The following MAML3 variants were observed in gnomAD, a reference collection of about 807,000 sequenced individuals.
MAML3 encodes mastermind like transcriptional coactivator 3.
Under a neutral mutation model 101.9 loss-of-function variants are expected in MAML3, and 27 were observed. That is an observed-to-expected ratio of 0.27 (90% CI 0.20 to 0.37). The LOEUF is 0.37. Among genes scored for constraint, MAML3 ranks in the 10% least tolerant of loss-of-function variants. The pLI is 1.00. For missense variants in MAML3, 1,316 were observed against 1,444.9 expected, an observed-to-expected ratio of 0.91 and a Z score of 1.45; for synonymous variants, 501 against 555.9, an observed-to-expected ratio of 0.90 and a Z score of 1.39.
chr4:140,055,381 AT>A lies in MAML3; in HGVS notation c.468+97478del, dbSNP rs898624097. ...AGAAAAAAATCCCAGAGCAGTGAGA[AT>A]TTTTTTGCCCCTTATTTAGAAAGAT... On this transcript the variant is annotated intron_variant, in intron 1 of 4. Coordinates refer to ENST00000509479, the MANE Select transcript of MAML3 (RefSeq NM_018717.5). 1.3e-5 allele frequency among the ~76,000 whole-genome samples: 2 copies of A among 152,120 alleles called. 1 individual carries two copies. Among genetic ancestry groups the A allele is most frequent in the African/African-American group, 4.8e-5 (2 of 41,418 alleles).
chr4:139,756,468 A>C (rs1729652954), intron 2 of MAML3, among the ~76,000 whole-genome samples: 1 of 152,214 alleles, frequency 6.6e-6, no homozygotes, highest in African/African-American at 2.4e-5. Context: ...TTCTCATAGA[A>C]TATCCCAAGA....
intron 1 of MAML3, among the ~76,000 whole-genome samples, chr4:139,997,643 G>A (rs1481351862): frequency 6.6e-6 from 1 of 151,892 alleles, no homozygotes; most frequent in Non-Finnish European, 1.5e-5. Flanking sequence ...CATTTTCAGT[G>A]CTATTTCTTC....
intron 1 of MAML3, among the ~76,000 whole-genome samples, chr4:140,133,483 T>C (rs1259046342): frequency 6.6e-6 from 1 of 152,230 alleles, no homozygotes; most frequent in Non-Finnish European, 1.5e-5. Context: ...CACAAAGTGA[T>C]AGTATTGCAA....
chr4:139,829,844 T>C (rs1004358322), intron 2 of MAML3, among the ~76,000 whole-genome samples: 11 of 152,246 alleles, frequency 7.2e-5, no homozygotes, highest in African/African-American at 2.4e-4. Flanking sequence ...TGGAATTTTA[T>C]ACACAGATCT....
intron 4 of MAML3, 88 bp downstream of exon 4, chr4:139,725,663 C>T: frequency 7.9e-7 from 1 of 1,261,606 alleles, no homozygotes; most frequent in Non-Finnish European, 1.1e-6. Context: ...GACACAAATA[C>T]AGCCAGTAAG....
At chr4:139,941,354 T>C (rs1402121660) in intron 1 of MAML3, among the ~76,000 whole-genome samples, 2 of 152,236 alleles carry the variant, frequency 1.3e-5, no homozygotes, top group African/African-American at 4.8e-5. Flanking sequence ...CACTGATGTG[T>C]ATCAATGTAA....
intron 2 of MAML3, among the ~76,000 whole-genome samples, chr4:139,885,997 A>C (rs533659828): frequency 6.7e-6 from 1 of 150,116 alleles, no homozygotes; most frequent in Non-Finnish European, 1.5e-5. Flanking sequence ...AAATAATATA[A>C]GAACAAAGAA....
At chr4:140,089,677 A>G (rs1728012279) in intron 1 of MAML3, among the ~76,000 whole-genome samples, 1 of 152,256 alleles carries the variant, frequency 6.6e-6, no homozygotes, top group Admixed American at 6.5e-5. Flanking sequence ...TGATATTCAC[A>G]TGACATTCCA....
At chr4:139,777,533 A>G (rs376519431) in intron 2 of MAML3, among the ~76,000 whole-genome samples, 19 of 152,188 alleles carry the variant, frequency 1.2e-4, no homozygotes, top group African/African-American at 4.3e-4. Context: ...AAACATTTAT[A>G]TTTATTTATC....
At chr4:140,007,346 G>A (rs928607842) in intron 1 of MAML3, among the ~76,000 whole-genome samples, 2 of 152,134 alleles carry the variant, frequency 1.3e-5, no homozygotes, top group African/African-American at 4.8e-5. Context: ...ACAAAACACT[G>A]GGCTGGTCCC....
At chr4:139,983,012 G>A (rs1302175908) in intron 1 of MAML3, among the ~76,000 whole-genome samples, 9 of 152,072 alleles carry the variant, frequency 5.9e-5, no homozygotes, top group Non-Finnish European at 1.2e-4. Flanking sequence ...CACCTTTATC[G>A]CCCAATTCCT....
rs1230668394 is a variant in MAML3 at position 139,766,165 on chromosome 4, C to CT, written c.2080-35499dup. 2.7e-3 allele frequency among the ~76,000 whole-genome samples: 149 copies of CT among 54,818 alleles called. 3 individuals are homozygous for CT. The highest frequency in any genetic ancestry group is 4.3e-3 in the Non-Finnish European group (122 of 28,582). The allele number at this position is 54,818 out of a possible 152,430, so 36.0% of individuals were successfully genotyped here. A position where few individuals can be genotyped will look rare whatever the true frequency, so the allele number is the denominator to read the frequency against. The stretch of plus-strand genomic sequence containing the variant: ...CTACTCAGTTAACTCCCTTCATGGT[C>CT]TTTCTTTTTGGGGGGTGGGGGTGGG... On this transcript the variant is annotated intron_variant, in intron 2 of 4. Transcript: ENST00000509479.
chr4:139,787,627 ATTTT>A (rs991136235), intron 2 of MAML3, among the ~76,000 whole-genome samples: 2 of 152,144 alleles, frequency 1.3e-5, no homozygotes, highest in East Asian at 3.8e-4. Context: ...TTTCTGTATT[ATTTT>A]TTATTTTAAC....
chr4:139,797,755 C>T (rs942309386), intron 2 of MAML3, among the ~76,000 whole-genome samples: 26 of 152,074 alleles, frequency 1.7e-4, no homozygotes, highest in Non-Finnish European at 3.1e-4. Flanking sequence ...ATCCCCTGCA[C>T]CCCCCAAAAA....
intron 1 of MAML3, among the ~76,000 whole-genome samples, chr4:139,954,502 A>G (rs150208332): frequency 6.6e-6 from 1 of 152,324 alleles, no homozygotes; most frequent in Non-Finnish European, 1.5e-5. Flanking sequence ...CATGACAAGT[A>G]CAGCTGCTTC....
rs540771262 is a variant in MAML3, at chr4:140,154,127, G to T, written c.-800C>A. 3.2e-4 allele frequency: 57 copies of T among 179,602 alleles called. No homozygotes were observed. The East Asian group carries it at 7.3e-3, about 23-fold the overall frequency. The allele number at this position is 179,602 out of a possible 1,614,324, so 11.1% of individuals were successfully genotyped here. A position where few individuals can be genotyped will look rare whatever the true frequency, so the allele number is the denominator to read the frequency against. ...ACTGCTCGCCGCCGCCGCCGCCGCCGCCTCCTCCTCCTCCTCTCGCTCCTC... is the reference window on the plus strand; with the variant it reads ...ACTGCTCGCCGCCGCCGCCGCCGCCTCCTCCTCCTCCTCCTCTCGCTCCTC... On this transcript the variant is annotated 5_prime_UTR_variant, in exon 1 of 5. Transcript: ENST00000509479.
intron 2 of MAML3, among the ~76,000 whole-genome samples, chr4:139,881,447 T>G (rs1732216716): frequency 6.6e-6 from 1 of 152,210 alleles, no homozygotes. Flanking sequence ...AAGTCTTTCC[T>G]GTCTAGCTTA....
At chr4:140,019,556 G>C (rs144085725) in intron 1 of MAML3, among the ~76,000 whole-genome samples, 7 of 152,306 alleles carry the variant, frequency 4.6e-5, no homozygotes, top group African/African-American at 1.7e-4. Flanking sequence ...CCAGATGACT[G>C]GATCTTGCTT....
At chr4:140,067,788 CA>C (rs1207184191) in intron 1 of MAML3, among the ~76,000 whole-genome samples, 3 of 143,334 alleles carry the variant, frequency 2.1e-5, no homozygotes, top group African/African-American at 5.3e-5. Flanking sequence ...GGCTGGAGTG[CA>C]ACAGCACGAT....
Sources: allele counts gnomAD v4.1 joint callset (sites outside exome capture counted in the v4.1 genomes callset), GRCh38; gene constraint gnomAD v4.1.1; transcripts MANE v1.5; gene names NCBI Gene and HGNC (gene_info 2026-07-23, HGNC 2026-07-21).